Variants in ADGRB1 observed in about 807,000 individuals in gnomAD.
ADGRB1 encodes adhesion G protein-coupled receptor B1.
Under a neutral mutation model 175.7 loss-of-function variants are expected in ADGRB1, and 36 were observed. The observed-to-expected ratio is 0.20, with a 90% CI of 0.16 to 0.27. The LOEUF (loss-of-function observed/expected upper bound fraction) is 0.27. Ranked by LOEUF, ADGRB1 falls within the 10% of genes least tolerant of loss-of-function variation. The pLI, the probability that ADGRB1 is intolerant of heterozygous loss-of-function variation, is 1.00. For synonymous variants in ADGRB1, 1,054 were observed against 979.4 expected, an observed-to-expected ratio of 1.08 and a Z score of -1.42; for missense variants, 1,731 against 2,255.3, an observed-to-expected ratio of 0.77 and a Z score of 4.71.
chr8:142,512,654 T>C (rs1476605581), intron 18 of ADGRB1, among the ~76,000 whole-genome samples: 1 of 152,132 alleles, frequency 6.6e-6, no homozygotes, highest in Non-Finnish European at 1.5e-5. Flanking sequence ...TGAGCCTCAG[T>C]TTCCTCACCT....
rs1035415324 is a variant in ADGRB1, at chr8:142,492,110, A to G, written c.2675+1295A>G. ...CCTCTGTCTGCCTGTTCTTTAATCT[A>G]TACCCACTGCCACCACCCTCCACCC... On this transcript the variant is annotated intron_variant, in intron 17 of 30. Coordinates refer to ENST00000517894, the MANE Select transcript of ADGRB1 (RefSeq NM_001702.3). The surrounding 1 kb of genome is among the most constrained non-coding windows in gnomAD (Gnocchi z 4.4). Among the ~76,000 whole-genome samples the G allele has an allele frequency of 6.6e-6, 1 of 151,606 alleles. No homozygotes were observed. The highest frequency in any genetic ancestry group is 2.4e-5 in the African/African-American group (1 of 41,224).
At chr8:142,494,993 G>T (rs1156802948) in intron 17 of ADGRB1, among the ~76,000 whole-genome samples, 1 of 152,170 alleles carries the variant, frequency 6.6e-6, no homozygotes, top group Non-Finnish European at 1.5e-5. Flanking sequence ...GAGTGGGGTG[G>T]AGGGCGGGGA....
chr8:142,500,176 CA>C (rs1391580694), intron 17 of ADGRB1, among the ~76,000 whole-genome samples: 1 of 151,440 alleles, frequency 6.6e-6, no homozygotes, highest in Non-Finnish European at 1.5e-5. Context: ...GCAGGCTGGA[CA>C]TTTGTGTTTC....
chr8:142,500,487 G>GCC (rs1842467790), intron 17 of ADGRB1, among the ~76,000 whole-genome samples: 1 of 150,588 alleles, frequency 6.6e-6, no homozygotes, highest in Non-Finnish European at 1.5e-5. Context: ...GCGAGGGCAT[G>GCC]TGGAGGGGCG....
chr8:142,526,521 C>T (rs1324474246), intron 23 of ADGRB1, 21 bp from the exon 24 acceptor site: 2 of 1,539,356 alleles, frequency 1.3e-6, no homozygotes, highest in Non-Finnish European at 1.8e-6. Context: ...CCCCACACCC[C>T]CACCACTCTC....
chr8:142,500,327 C>A (rs1287446483), intron 17 of ADGRB1, among the ~76,000 whole-genome samples: 206 of 41,706 alleles, frequency 4.9e-3, no homozygotes, highest in African/African-American at 0.022. Context: ...CCGCTCCTCC[C>A]CCGCCCCCCG....
chr8:142,452,101 G>T (rs1350714398), intron 1 of ADGRB1, among the ~76,000 whole-genome samples: 1 of 152,200 alleles, frequency 6.6e-6, no homozygotes, highest in African/African-American at 2.4e-5. Flanking sequence ...GGCGGACGTT[G>T]CGCGCGTTCG....
chr8:142,450,277 C>A (rs1839260462), intron 1 of ADGRB1, among the ~76,000 whole-genome samples, 173 bp downstream of exon 1: 1 of 151,574 alleles, frequency 6.6e-6, no homozygotes, highest in African/African-American at 2.4e-5. Flanking sequence ...ACCCCCTACC[C>A]CCTCAGCCCC....
chr8:142,488,595 C>T, intron 14 of ADGRB1, 88 bp downstream of exon 14: 2 of 1,529,396 alleles, frequency 1.3e-6, no homozygotes, highest in Non-Finnish European at 1.8e-6. Context: ...AGTCTAGCTG[C>T]TGCCTCAGAG....
At position 142,464,965 on chromosome 8, in the gene ADGRB1, G is replaced by T; in HGVS notation, c.767G>T (p.Gly256Val). 2 of 1,516,564 alleles carry T rather than the reference G, an allele frequency of 1.3e-6. No individual in the cohort carries two copies. The highest frequency in any genetic ancestry group is 5.1e-5 in the East Asian group (2 of 38,848). The allele number at this position is 1,516,564 out of a possible 1,614,324, so 93.9% of individuals were successfully genotyped here. A position where few individuals can be genotyped will look rare whatever the true frequency, so the allele number is the denominator to read the frequency against. ...CTCACCAGCCTGACCCAGGACCGGGGCGGGCACGGCGCCACAGGTGAGTGA... is the reference window on the plus strand; with the variant it reads ...CTCACCAGCCTGACCCAGGACCGGGTCGGGCACGGCGCCACAGGTGAGTGA... ...NCLTSLTQDRGGHGATGGWKL... is the reference protein window; with the variant it reads ...NCLTSLTQDRVGHGATGGWKL... Residue 256 changes from glycine (G) to valine (V), a missense_variant, in exon 2 of 31, where the codon GGC (glycine) becomes GTC (valine). This residue lies in a region of ADGRB1 where 383 missense variants were observed against 383.1 expected (regional missense o/e 1.00). Transcript: ENST00000517894.
chr8:142,510,963 C>T lies in ADGRB1; in HGVS notation c.2707C>T (p.Pro903Ser), dbSNP rs974310200. The T allele has an allele frequency of 6.3e-6, 8 of 1,263,534 alleles. No individual in the cohort carries two copies. Among genetic ancestry groups the T allele is most frequent in the Non-Finnish European group, 8.1e-6 (8 of 984,274 alleles). 78.3% of individuals were successfully genotyped at this position (1,263,534 alleles called of 1,614,324 possible). A position where few individuals can be genotyped will look rare whatever the true frequency, so the allele number is the denominator to read the frequency against. The part of the protein sequence containing the change: ...PSSSAPPQLG[P>S]WSWRGCRTVP... ...CTCCTCCGCCCCCCCGCAGCTCGGGCCCTGGTCGTGGCGCGGCTGCCGCAC... is the reference window on the plus strand; with the variant it reads ...CTCCTCCGCCCCCCCGCAGCTCGGGTCCTGGTCGTGGCGCGGCTGCCGCAC... Residue 903 changes from proline to serine, a missense_variant, in exon 18 of 31, where the codon CCC becomes TCC. Transcript: ENST00000517894. The surrounding 1 kb of genome is among the most constrained non-coding windows in gnomAD (Gnocchi z 6.3).
chr8:142,483,160 G>C (rs922609421), intron 11 of ADGRB1, among the ~76,000 whole-genome samples: 1 of 115,758 alleles, frequency 8.6e-6, no homozygotes, highest in African/African-American at 3.4e-5. Context: ...CTGGTCACAC[G>C]CTGAGCCCTG....
intron 12 of ADGRB1, 37 bp from the exon 13 acceptor site, chr8:142,484,619 G>T: frequency 5.1e-6 from 8 of 1,569,098 alleles, no homozygotes; most frequent in African/African-American, 2.7e-5. Context: ...GGACAGTGGG[G>T]CCTCCTCCCT....
chr8:142,464,094 G>A lies in ADGRB1; in HGVS notation c.-105G>A. 1.6e-6 allele frequency: 1 copy of A among 641,522 alleles called. No individual in the cohort carries two copies. Among genetic ancestry groups the A allele is most frequent in the Non-Finnish European group, 2.0e-6 (1 of 488,686 alleles). The allele number at this position is 641,522 out of a possible 1,614,324, so 39.7% of individuals were successfully genotyped here. ...CATCCCACCCTTGCCCCGCCTCCCT[G>A]CCCCCACCGGGCCGGCCCTGCCCGC... On this transcript the variant is annotated 5_prime_UTR_variant, in exon 2 of 31. Coordinates refer to ENST00000517894, the MANE Select transcript of ADGRB1 (RefSeq NM_001702.3).
chr8:142,530,204 A>C (rs1450692881), intron 24 of ADGRB1, among the ~76,000 whole-genome samples: 6 of 151,822 alleles, frequency 4.0e-5, no homozygotes, highest in Non-Finnish European at 8.8e-5. Flanking sequence ...GTATGTGGGA[A>C]TGTGTTTATA....
intron 17 of ADGRB1, among the ~76,000 whole-genome samples, chr8:142,502,763 A>G (rs1299954196): frequency 6.6e-6 from 1 of 151,418 alleles, no homozygotes; most frequent in Admixed American, 6.6e-5. Context: ...AAAGAGTGGT[A>G]TTTATGATGT....
intron 20 of ADGRB1, 56 bp from the exon 21 acceptor site, chr8:142,521,909 C>T (rs1843873092): frequency 2.6e-6 from 4 of 1,532,908 alleles, no homozygotes; most frequent in Admixed American, 2.0e-5. Context: ...TCAGTGGGGA[C>T]AGGTGTGGGG....
chr8:142,488,569 G>A, intron 14 of ADGRB1, 62 bp downstream of exon 14: 6 of 1,588,242 alleles, frequency 3.8e-6, no homozygotes, highest in Non-Finnish European at 5.2e-6. Context: ...GAGTCGGACG[G>A]TCACCACCCT....
At chr8:142,534,849 A>G (rs1487618983) in intron 25 of ADGRB1, among the ~76,000 whole-genome samples, 1 of 152,190 alleles carries the variant, frequency 6.6e-6, no homozygotes, top group Non-Finnish European at 1.5e-5. Context: ...CCCAGCAATG[A>G]ACTCGTGTTA....
Sources: allele counts gnomAD v4.1 joint callset (sites outside exome capture counted in the v4.1 genomes callset), GRCh38; gene constraint gnomAD v4.1.1; regional missense constraint gnomAD v4.1.1; non-coding constraint Gnocchi (gnomAD v3.1); transcripts MANE v1.5; gene names NCBI Gene and HGNC (gene_info 2026-07-23, HGNC 2026-07-21).